The following SPTY2D1 variants were observed in gnomAD, a reference collection of about 807,000 sequenced individuals.
SPTY2D1 encodes the protein protein SPT2 homolog.
In SPTY2D1, 21 loss-of-function variants were observed where a neutral mutation model predicts 64.0. The observed-to-expected ratio is 0.33, with a 90% CI of 0.23 to 0.47. SPTY2D1 has a LOEUF of 0.47. Among genes scored for constraint, SPTY2D1 ranks in the 20% least tolerant of loss-of-function variants. The pLI, the probability that SPTY2D1 is intolerant of heterozygous loss-of-function variation, is 1.00. For missense variants in SPTY2D1, 724 were observed against 837.2 expected, an observed-to-expected ratio of 0.86 and a Z score of 1.67; for synonymous variants, 287 against 286.8, an observed-to-expected ratio of 1.00 and a Z score of -0.01.
At chr11:18,629,620 G>A (rs1427093988) in intron 1 of SPTY2D1, among the ~76,000 whole-genome samples, 1 of 152,120 alleles carries the variant, frequency 6.6e-6, no homozygotes, top group Non-Finnish European at 1.5e-5. Context: ...GAAAAATCAA[G>A]TGCAAGTTTA....
At chr11:18,627,890 A>AT (rs398040249) in intron 1 of SPTY2D1, among the ~76,000 whole-genome samples, 1 of 151,592 alleles carries the variant, frequency 6.6e-6, no homozygotes, top group Non-Finnish European at 1.5e-5. Context: ...AAAAAAAAAA[A>AT]TACAAAAATT....
Position 18,614,875 on chromosome 11 carries a change from G to A in SPTY2D1, c.1399C>T (p.Arg467Trp), listed in dbSNP as rs201551055. The A allele has an allele frequency of 3.3e-5, 53 of 1,613,674 alleles. No individual in the cohort carries two copies. The highest frequency in any genetic ancestry group is 1.3e-4 in the Admixed American group (8 of 60,014). ...RPLGSSRGPG[R>W]PVSSPHELRR... ...AGTTCATGTGGACTGCTCACAGGCC[G>A]GCCAGGGCCACGAGAGCTGCCCAAG... Residue 467 changes from arginine (R) to tryptophan (W), a missense_variant, in exon 3 of 6, where the codon CGG becomes TGG. Arg to Trp is a moderately radical substitution (Grantham distance 101). This residue lies in a region of SPTY2D1 where 426 missense variants were observed against 431.8 expected (regional missense o/e 0.99). Transcript: ENST00000336349.
intron 1 of SPTY2D1, 69 bp from the exon 2 acceptor site, chr11:18,617,058 T>C (rs1413429291): frequency 7.7e-7 from 1 of 1,293,916 alleles, no homozygotes; most frequent in East Asian, 2.3e-5. Flanking sequence ...TATAAGGCAC[T>C]GTGCCAGGTA....
intron 1 of SPTY2D1, 126 bp from the exon 2 acceptor site, chr11:18,617,115 G>A: frequency 1.4e-6 from 1 of 705,672 alleles, no homozygotes; most frequent in Non-Finnish European, 2.4e-6. Context: ...GAATAATTGA[G>A]AGATCATATA....
rs1249391761 is a variant in SPTY2D1, at chr11:18,615,246, T to A, written c.1028A>T (p.Lys343Ile). ...GGAATGGCTAGGATGGGACAGAGAT[T>A]TTTTGGCTTTGTGCTCAACAGCAGA... Reference protein sequence around the residue: ...QKSAVEHKAKKSLSHPSHSRP... With the variant: ...QKSAVEHKAKISLSHPSHSRP... Residue 343 changes from lysine (K) to isoleucine (I), a missense_variant, in exon 3 of 6, where the codon AAA becomes ATA. By Grantham distance (102) the Lys-to-Ile change is moderately radical. Coordinates refer to ENST00000336349, the MANE Select transcript of SPTY2D1 (RefSeq NM_194285.3). The A allele has an allele frequency of 6.2e-7, 1 of 1,614,186 alleles. No individual in the cohort carries two copies. Among genetic ancestry groups the A allele is most frequent in the Non-Finnish European group, 8.5e-7 (1 of 1,180,024 alleles).
chr11:18,620,644 T>C (rs1245202076), intron 1 of SPTY2D1, among the ~76,000 whole-genome samples: 1 of 152,076 alleles, frequency 6.6e-6, no homozygotes, highest in African/African-American at 2.4e-5. Flanking sequence ...CCCAGCACTT[T>C]GGGAGGCCAA....
rs762794878 is a variant in SPTY2D1 at position 18,609,819 on chromosome 11, C to G, written c.*42G>C. On this transcript the variant is annotated 3_prime_UTR_variant, in exon 6 of 6. Transcript: ENST00000336349. Reference sequence around the variant, plus strand: ...TCAGTCTGAAGGCAGGAAATCCTTGCAGCAGAGCAGCTCTAGAATTTCACA... The same window carrying G: ...TCAGTCTGAAGGCAGGAAATCCTTGGAGCAGAGCAGCTCTAGAATTTCACA... 2 of 1,580,916 alleles carry G rather than the reference C, an allele frequency of 1.3e-6. No homozygotes were observed. The highest frequency in any genetic ancestry group is 2.2e-5 in the South Asian group (2 of 89,742).
intron 1 of SPTY2D1, among the ~76,000 whole-genome samples, chr11:18,617,625 CAAAAA>C (rs71050616): frequency 3.0e-5 from 2 of 66,372 alleles, no homozygotes; most frequent in African/African-American, 6.2e-5. Flanking sequence ...GACTCCGTCT[CAAAAA>C]AAAAAAAAAA....
intron 1 of SPTY2D1, among the ~76,000 whole-genome samples, chr11:18,624,523 C>T (rs1254081373): frequency 6.6e-6 from 1 of 152,234 alleles, no homozygotes; most frequent in African/African-American, 2.4e-5. Context: ...TTAAATACAA[C>T]ATCAGAGATT....
In SPTY2D1 at chr11:18,614,965, G is replaced by C; in HGVS notation, c.1309C>G (p.Gln437Glu). 6.2e-7 allele frequency: 1 copy of C among 1,614,026 alleles called. No homozygotes were observed. The highest frequency in any genetic ancestry group is 8.5e-7 in the Non-Finnish European group (1 of 1,179,940). Residue 437 changes from glutamine to glutamate, a missense_variant, in exon 3 of 6, where the codon CAA becomes GAA. By Grantham distance (29) the Gln-to-Glu change is conservative. Transcript: ENST00000336349. ...RTVSGTCGPG[Q>E]PASSSGGPGR... Reference sequence around the variant, plus strand: ...GGGCCACCTGAGCTGCTTGCAGGTTGTCCAGGGCCACATGTACCACTGACT... The same window carrying C: ...GGGCCACCTGAGCTGCTTGCAGGTTCTCCAGGGCCACATGTACCACTGACT...
At chr11:18,623,375 C>T (rs1032063393) in intron 1 of SPTY2D1, among the ~76,000 whole-genome samples, 9 of 152,318 alleles carry the variant, frequency 5.9e-5, no homozygotes, top group Admixed American at 3.3e-4. Context: ...CCCTGGCAAA[C>T]GCTAATCTAC....
Position 18,627,643 on chromosome 11 carries a change from C to A in SPTY2D1, c.60+6555G>T, listed in dbSNP as rs1449067661. 2.0e-5 allele frequency among the ~76,000 whole-genome samples: 3 copies of A among 152,124 alleles called. No homozygotes were observed. In the East Asian group the frequency reaches 5.8e-4, roughly 29 times the overall value. On this transcript the variant is annotated intron_variant, in intron 1 of 5. Coordinates refer to ENST00000336349, the MANE Select transcript of SPTY2D1 (RefSeq NM_194285.3). Reference sequence around the variant, plus strand: ...CCTGTAATTCCACCACTTTGGGAGGCCGAGGGGGGTGGATCATGAGGTTAG... The same window carrying A: ...CCTGTAATTCCACCACTTTGGGAGGACGAGGGGGGTGGATCATGAGGTTAG...
At chr11:18,622,100 A>AAAAAAAAAAAAAAAAAAAAAAAAAAAAC (rs1854417961) in intron 1 of SPTY2D1, among the ~76,000 whole-genome samples, 1 of 148,214 alleles carries the variant, frequency 6.7e-6, no homozygotes, top group African/African-American at 2.5e-5. Flanking sequence ...AAAAAAAAAA[A>AAAAAAAAAAAAAAAAAAAAAAAAAAAAC]AAAACCAAAA....
intron 1 of SPTY2D1, among the ~76,000 whole-genome samples, chr11:18,624,514 T>C (rs1465332223): frequency 6.6e-6 from 1 of 152,226 alleles, no homozygotes; most frequent in African/African-American, 2.4e-5. Flanking sequence ...GCTTGTCATT[T>C]AAATACAACA....
chr11:18,631,037 C>T (rs1854578786), intron 1 of SPTY2D1, among the ~76,000 whole-genome samples: 1 of 152,098 alleles, frequency 6.6e-6, no homozygotes, highest in South Asian at 2.1e-4. Flanking sequence ...CGGGGTTTCA[C>T]CACATTGGCC....
At chr11:18,633,721 G>T (rs1461232454) in intron 1 of SPTY2D1, among the ~76,000 whole-genome samples, 1 of 152,156 alleles carries the variant, frequency 6.6e-6, no homozygotes, top group African/African-American at 2.4e-5. Context: ...CCGAGTCAGA[G>T]AATTCTTTCA....
chr11:18,634,333 A>C lies in SPTY2D1; in HGVS notation c.-76T>G. On this transcript the variant is annotated 5_prime_UTR_variant, in exon 1 of 6. Transcript: ENST00000336349. ...GCGCACCTAACCGAGGCGCCCAGCTACAGCCAACTGCACTGCCTCGGGAGC... is the reference window on the plus strand; with the variant it reads ...GCGCACCTAACCGAGGCGCCCAGCTCCAGCCAACTGCACTGCCTCGGGAGC... 1 of 1,513,260 alleles carries C rather than the reference A, an allele frequency of 6.6e-7. No homozygotes were observed. Among genetic ancestry groups the C allele is most frequent in the Non-Finnish European group, 9.2e-7 (1 of 1,092,704 alleles). The allele number at this position is 1,513,260 out of a possible 1,614,324, so 93.7% of individuals were successfully genotyped here. A position where few individuals can be genotyped will look rare whatever the true frequency, so the allele number is the denominator to read the frequency against.
At position 18,609,034 on chromosome 11, in the gene SPTY2D1, ATTACTC is replaced by A; in HGVS notation, c.*821_*826del. 1 of 152,586 alleles carries A rather than the reference ATTACTC, an allele frequency of 6.6e-6. No individual in the cohort carries two copies. The highest frequency in any genetic ancestry group is 2.4e-5 in the African/African-American group (1 of 41,568). The allele number at this position is 152,586 out of a possible 1,614,324, so 9.5% of individuals were successfully genotyped here. On this transcript the variant is annotated 3_prime_UTR_variant, in exon 6 of 6. Coordinates refer to ENST00000336349, the MANE Select transcript of SPTY2D1 (RefSeq NM_194285.3). ...ATGTTACTTCCTTATTTTATAAACT[ATTACTC>A]TTTCAAATCTAATGTTTGAATAAAA...
chr11:18,626,058 T>A (rs1784770307), intron 1 of SPTY2D1, among the ~76,000 whole-genome samples: 2 of 152,120 alleles, frequency 1.3e-5, no homozygotes, highest in Admixed American at 1.3e-4. Context: ...GACCTCATGA[T>A]CCACCCACCT....
Sources: allele counts gnomAD v4.1 joint callset (sites outside exome capture counted in the v4.1 genomes callset), GRCh38; gene constraint gnomAD v4.1.1; regional missense constraint gnomAD v4.1.1; transcripts MANE v1.5; gene names NCBI Gene and HGNC (gene_info 2026-07-23, HGNC 2026-07-21).